Variants in ADAMTS20 observed in about 807,000 individuals in gnomAD.
ADAMTS20 encodes ADAM metallopeptidase with thrombospondin type 1 motif 20, also known as A disintegrin and metalloproteinase with thrombospondin motifs 20.
A neutral mutation model predicts 260.1 loss-of-function variants in ADAMTS20; 225 were observed. The ratio of observed to expected loss-of-function variants is 0.87; its 90% CI spans 0.78 to 0.97. The LOEUF is 0.97. ADAMTS20 is among the 50% of genes least tolerant of loss of function. The pLI is 0.00. For synonymous variants in ADAMTS20, 802 were observed against 769.5 expected, an observed-to-expected ratio of 1.04 and a Z score of -0.70; for missense variants, 2,400 against 2,337.7, an observed-to-expected ratio of 1.03 and a Z score of -0.55.
chr12:43,430,096 A>G (rs969210626), intron 23 of ADAMTS20, among the ~76,000 whole-genome samples: 2 of 152,084 alleles, frequency 1.3e-5, no homozygotes, highest in African/African-American at 4.8e-5. Context: ...CAGTTCAAAG[A>G]ATGGAAATTC....
At chr12:43,491,353 T>C (rs1218095013) in intron 6 of ADAMTS20, among the ~76,000 whole-genome samples, 1 of 152,178 alleles carries the variant, frequency 6.6e-6, no homozygotes, top group Non-Finnish European at 1.5e-5. Flanking sequence ...GCATAAAGAC[T>C]AAATCGCCTA....
chr12:43,519,333 C>T (rs1258972490), intron 3 of ADAMTS20, among the ~76,000 whole-genome samples: 1 of 152,132 alleles, frequency 6.6e-6, no homozygotes, highest in Non-Finnish European at 1.5e-5. Context: ...TGGCCTCCCA[C>T]TACCATTATT....
Position 43,551,112 on chromosome 12 carries a change from C to T in ADAMTS20, c.250G>A (p.Ala84Thr). The T allele has an allele frequency of 1.2e-6, 2 of 1,613,918 alleles. No individual in the cohort carries two copies. Among genetic ancestry groups the T allele is most frequent in the Non-Finnish European group, 1.7e-6 (2 of 1,179,864 alleles). The change falls in exon 2 of 39, where the codon GCC becomes ACC. Residue 84 changes from alanine (A) to threonine (T), a missense_variant. Transcript: ENST00000389420. The surrounding 1 kb of genome is among the most constrained non-coding windows in gnomAD (Gnocchi z 4.6). The stretch of plus-strand genomic sequence containing the variant: ...TTCAGCTGGAAGAGCTGCCCGTAGG[C>T]AGTGAAGCGATAGTGGGTTCGGAAC... Reference protein sequence around the residue: ...MPFRTHYRFTAYGQLFQLNLT... With the variant: ...MPFRTHYRFTTYGQLFQLNLT...
intron 3 of ADAMTS20, among the ~76,000 whole-genome samples, chr12:43,521,132 T>C (rs12578338): frequency 6.6e-6 from 1 of 152,232 alleles, no homozygotes; most frequent in Non-Finnish European, 1.5e-5. Context: ...TAAAAACTCG[T>C]AAGCTTGCCA....
chr12:43,495,544 A>G (rs1320774441), intron 4 of ADAMTS20, among the ~76,000 whole-genome samples: 2 of 152,224 alleles, frequency 1.3e-5, no homozygotes, highest in Non-Finnish European at 2.9e-5. Flanking sequence ...TGCTAGTTCT[A>G]GTACATGTGT....
intron 2 of ADAMTS20, among the ~76,000 whole-genome samples, chr12:43,537,982 A>C (rs147271996): frequency 3.7e-4 from 56 of 152,314 alleles, no homozygotes; most frequent in Non-Finnish European, 7.4e-4. Context: ...AAACAGTGGG[A>C]GTACAGATAT....
At chr12:43,433,848 A>T (rs1941498907) in intron 19 of ADAMTS20, 6 of 439,630 alleles carry the variant, frequency 1.4e-5, no homozygotes, top group Non-Finnish European at 2.7e-5. Flanking sequence ...ATGTCAAGGA[A>T]ATCAATCAAT....
chr12:43,410,458 A>C (rs1565685301), intron 28 of ADAMTS20, among the ~76,000 whole-genome samples: 1 of 152,356 alleles, frequency 6.6e-6, no homozygotes, highest in East Asian at 1.9e-4. Context: ...AAAAATGAAG[A>C]GTTGTGTAAG....
At chr12:43,537,827 T>A (rs964296882) in intron 2 of ADAMTS20, among the ~76,000 whole-genome samples, 1 of 152,314 alleles carries the variant, frequency 6.6e-6, no homozygotes, top group South Asian at 2.1e-4. Flanking sequence ...TCCATCCCCA[T>A]TGTTAGAAAT....
At chr12:43,430,548 C>T (rs931200891) in intron 22 of ADAMTS20, 77 bp from the exon 23 acceptor site, 2 of 1,321,248 alleles carry the variant, frequency 1.5e-6, no homozygotes, top group African/African-American at 1.5e-5. Context: ...TAATGAATAC[C>T]CTGTTAATAA....
chr12:43,532,540 C>CT (rs11389735), intron 2 of ADAMTS20, among the ~76,000 whole-genome samples: 110,528 of 141,248 alleles, frequency 0.78, 43,672 homozygotes, highest in Admixed American at 0.85. Flanking sequence ...AAAATAGATA[C>CT]TTTTTTTTTT....
At chr12:43,447,188 A>AT in intron 14 of ADAMTS20, among the ~76,000 whole-genome samples, 1 of 151,978 alleles carries the variant, frequency 6.6e-6, no homozygotes, top group South Asian at 2.1e-4. Context: ...CACGACAAAA[A>AT]AAAAAGAAAA....
At chr12:43,446,823 C>G (rs1384944174) in intron 14 of ADAMTS20, 111 bp from the exon 15 acceptor site, 7 of 842,474 alleles carry the variant, frequency 8.3e-6, no homozygotes, top group Non-Finnish European at 1.3e-5. Context: ...CCACTGACCC[C>G]ACAGAAATAT....
chr12:43,514,772 A>C (rs952774840), intron 3 of ADAMTS20, among the ~76,000 whole-genome samples: 8 of 152,104 alleles, frequency 5.3e-5, no homozygotes, highest in African/African-American at 1.9e-4. Context: ...TGAAAATCTT[A>C]TATCAGTGAA....
chr12:43,356,446 A>G, intron 38 of ADAMTS20, 38 bp downstream of exon 38: 2 of 1,350,376 alleles, frequency 1.5e-6, no homozygotes, highest in Non-Finnish European at 2.1e-6. Flanking sequence ...ATAGCTCAGA[A>G]GTATTTCAAA....
At chr12:43,439,855 A>G (rs3764470) in intron 17 of ADAMTS20, 42 bp downstream of exon 17, 2 of 1,573,094 alleles carry the variant, frequency 1.3e-6, no homozygotes, top group East Asian at 2.3e-5. Flanking sequence ...GTTTACTAAT[A>G]TAATTAAATC....
At chr12:43,403,863 G>A (rs1415238804) in intron 28 of ADAMTS20, among the ~76,000 whole-genome samples, 2 of 151,886 alleles carry the variant, frequency 1.3e-5, no homozygotes, top group Non-Finnish European at 2.9e-5. Context: ...GTTGTTTCCC[G>A]GAAAATATTC....
intron 8 of ADAMTS20, among the ~76,000 whole-genome samples, chr12:43,467,461 G>T (rs2137384218): frequency 6.6e-6 from 1 of 152,102 alleles, no homozygotes; most frequent in South Asian, 2.1e-4. Flanking sequence ...ACTTAATTCA[G>T]ATCCTTGCCT....
rs903818675 is a variant in ADAMTS20 at position 43,464,545 on chromosome 12, C to T, written c.1509+46G>A. 1.5e-5 allele frequency: 24 copies of T among 1,592,338 alleles called. No homozygotes were observed. In the African/African-American group the frequency reaches 2.8e-4, roughly 19 times the overall value. On this transcript the variant is annotated intron_variant, in intron 10 of 38. Coordinates refer to ENST00000389420, the MANE Select transcript of ADAMTS20 (RefSeq NM_025003.5). ...CATTTTGAAATATATTCTAAGATAA[C>T]TTTATGGCAGTTTTCGAACAAAATA...
Sources: allele counts gnomAD v4.1 joint callset (sites outside exome capture counted in the v4.1 genomes callset), GRCh38; gene constraint gnomAD v4.1.1; non-coding constraint Gnocchi (gnomAD v3.1); transcripts MANE v1.5; gene names NCBI Gene and HGNC (gene_info 2026-07-23, HGNC 2026-07-21).